The following ADGRL3 variants were observed in gnomAD, a reference collection of about 807,000 sequenced individuals.
ADGRL3 encodes the protein calcium-independent alpha-latrotoxin receptor 3.
A neutral mutation model predicts 153.5 loss-of-function variants in ADGRL3; 62 were observed. That is an observed-to-expected ratio of 0.40 (90% CI 0.33 to 0.50). The LOEUF is 0.50. Ranked by LOEUF, ADGRL3 falls within the 20% of genes least tolerant of loss-of-function variation. The pLI, the probability that ADGRL3 is intolerant of heterozygous loss-of-function variation, is 0.47. For missense variants in ADGRL3, 1,641 were observed against 1,859.4 expected (o/e 0.88, Z 2.16); for synonymous variants, 710 against 672.5 (o/e 1.06, Z -0.86).
At chr4:61,888,702 A>G (rs1025607810) in intron 9 of ADGRL3, among the ~76,000 whole-genome samples, 1 of 152,216 alleles carries the variant, frequency 6.6e-6, no homozygotes, top group Non-Finnish European at 1.5e-5. Context: ...TCTCTGTGGC[A>G]CAGTTCCATG....
intron 1 of ADGRL3, among the ~76,000 whole-genome samples, chr4:61,240,956 G>T (rs1017620174): frequency 2.6e-5 from 4 of 151,922 alleles, no homozygotes; most frequent in Admixed American, 6.6e-5. Flanking sequence ...ATATCTAGTT[G>T]TAATGTGTAA....
At chr4:61,816,281 A>G (rs980884965) in intron 9 of ADGRL3, among the ~76,000 whole-genome samples, 1 of 152,206 alleles carries the variant, frequency 6.6e-6, no homozygotes, top group Non-Finnish European at 1.5e-5. Context: ...GAGTTAGCCA[A>G]TGTCCACTGA....
At chr4:61,555,305 C>A (rs2098760116) in intron 4 of ADGRL3, among the ~76,000 whole-genome samples, 3 of 152,192 alleles carry the variant, frequency 2.0e-5, no homozygotes, top group Admixed American at 2.0e-4. Context: ...TAAATTTCTT[C>A]CAATTTGTAT....
chr4:61,864,702 CTG>C (rs1266421858), intron 9 of ADGRL3, among the ~76,000 whole-genome samples: 1 of 152,154 alleles, frequency 6.6e-6, no homozygotes, highest in African/African-American at 2.4e-5. Flanking sequence ...CCAGCAGAAA[CTG>C]GAGCAAATCA....
intron 1 of ADGRL3, among the ~76,000 whole-genome samples, chr4:61,348,411 T>G (rs1389298971): frequency 6.6e-6 from 1 of 152,030 alleles, no homozygotes; most frequent in Non-Finnish European, 1.5e-5. Context: ...CCCTGAATAC[T>G]TCAATGAGAT....
intron 1 of ADGRL3, among the ~76,000 whole-genome samples, chr4:61,352,278 T>C (rs536067911): frequency 6.6e-6 from 1 of 152,228 alleles, no homozygotes; most frequent in Non-Finnish European, 1.5e-5. Context: ...TATAACTTGC[T>C]GAAGGCTCAG....
intron 25 of ADGRL3, among the ~76,000 whole-genome samples, chr4:62,046,191 G>C (rs1731034912): frequency 6.6e-6 from 1 of 151,658 alleles, no homozygotes; most frequent in African/African-American, 2.4e-5. Flanking sequence ...AATGATCCCG[G>C]AAGCCATTGA....
chr4:61,819,546 C>A (rs80016269), intron 9 of ADGRL3, among the ~76,000 whole-genome samples: 86 of 152,158 alleles, frequency 5.7e-4, no homozygotes, highest in African/African-American at 2.1e-3. Flanking sequence ...GGAATTATTG[C>A]TTTATGTATT....
At chr4:61,755,403 T>G (rs948259110) in intron 8 of ADGRL3, among the ~76,000 whole-genome samples, 4 of 152,246 alleles carry the variant, frequency 2.6e-5, no homozygotes, top group African/African-American at 9.6e-5. Context: ...GTCTTTCGGC[T>G]ACATAAATGT....
intron 8 of ADGRL3, among the ~76,000 whole-genome samples, chr4:61,790,100 G>T (rs142276867): frequency 6.6e-6 from 1 of 152,012 alleles, no homozygotes; most frequent in African/African-American, 2.4e-5. Flanking sequence ...AGTTAACTCC[G>T]TTTAACTTTT....
chr4:61,752,777 T>C (rs555220079), intron 8 of ADGRL3, among the ~76,000 whole-genome samples: 7 of 151,876 alleles, frequency 4.6e-5, no homozygotes, highest in Non-Finnish European at 8.8e-5. Context: ...TACAAAAAAA[T>C]GCAAAAATTA....
At position 61,315,658 on chromosome 4, in the gene ADGRL3, A is replaced by G. The variant is rs945078884; in HGVS notation, c.-239-67466A>G. Among the ~76,000 whole-genome samples, 35 of 152,182 alleles carry G rather than the reference A, an allele frequency of 2.3e-4. 1 individual carries two copies. Among genetic ancestry groups the G allele is most frequent in the Non-Finnish European group, 7.4e-5 (5 of 68,014 alleles). On this transcript the variant is annotated intron_variant, in intron 1 of 26. Coordinates refer to ENST00000683033, the MANE Select transcript of ADGRL3 (RefSeq NM_001387552.1). ...TTTCAATTTACCTCCAACTCCTGGA[A>G]ACCATGAAAGAAAGGAGTGTAGAGA...
At chr4:61,395,186 G>A (rs1020719069) in intron 2 of ADGRL3, among the ~76,000 whole-genome samples, 1 of 151,896 alleles carries the variant, frequency 6.6e-6, no homozygotes, top group African/African-American at 2.4e-5. Flanking sequence ...AAATATAAGT[G>A]TGGTATTTAT....
At chr4:61,532,555 C>CGTGT (rs56053700) in intron 4 of ADGRL3, among the ~76,000 whole-genome samples, 2,896 of 131,330 alleles carry the variant, frequency 0.022, 42 homozygotes, top group Non-Finnish European at 0.029. Context: ...CGCGCGCGCG[C>CGTGT]GTGTGTGTGT....
intron 26 of ADGRL3, among the ~76,000 whole-genome samples, chr4:62,069,648 A>G (rs1019761356): frequency 3.3e-5 from 5 of 152,050 alleles, no homozygotes; most frequent in Admixed American, 6.6e-5. Flanking sequence ...CCACACATGA[A>G]TTATGTTAAT....
Position 61,245,573 on chromosome 4 carries a change from A to G in ADGRL3, c.-240+43808A>G, listed in dbSNP as rs1466236577. ...CTCCCACATGCAATTACTGGAGGCC[A>G]TGTCCTTGCCTCATTAATTGTTGTC... is the stretch of plus-strand genomic sequence containing the variant. On this transcript the variant is annotated intron_variant, in intron 1 of 26. Coordinates refer to ENST00000683033, the MANE Select transcript of ADGRL3 (RefSeq NM_001387552.1). Among the ~76,000 whole-genome samples the G allele has an allele frequency of 2.6e-5, 4 of 152,050 alleles. No individual in the cohort carries two copies. The East Asian group carries it at 5.8e-4, about 22-fold the overall frequency.
chr4:61,503,479 T>C (rs758797481), intron 3 of ADGRL3, among the ~76,000 whole-genome samples: 1 of 152,012 alleles, frequency 6.6e-6, no homozygotes, highest in Non-Finnish European at 1.5e-5. Context: ...TATAAAGTCA[T>C]TGTTTTCTTA....
chr4:61,351,390 G>T (rs1207585100), intron 1 of ADGRL3, among the ~76,000 whole-genome samples: 2 of 152,206 alleles, frequency 1.3e-5, no homozygotes, highest in African/African-American at 4.8e-5. Context: ...AAGTTATCCA[G>T]GAGATCTAGC....
At chr4:61,590,639 T>C (rs2098965647) in intron 5 of ADGRL3, among the ~76,000 whole-genome samples, 1 of 152,274 alleles carries the variant, frequency 6.6e-6, no homozygotes, top group South Asian at 2.1e-4. Context: ...TTTTGGCAGA[T>C]GAGAAAACTC....
Sources: allele counts gnomAD v4.1 joint callset (sites outside exome capture counted in the v4.1 genomes callset), GRCh38; gene constraint gnomAD v4.1.1; transcripts MANE v1.5; gene names NCBI Gene and HGNC (gene_info 2026-07-23, HGNC 2026-07-21).